Variants in CAST observed in about 807,000 individuals in gnomAD.
The protein encoded by CAST is calpastatin.
Under a neutral mutation model 119.6 loss-of-function variants are expected in CAST, and 76 were observed. That is an observed-to-expected ratio of 0.64 (90% CI 0.53 to 0.77). The LOEUF (loss-of-function observed/expected upper bound fraction) is 0.77. CAST is among the 30% of genes least tolerant of loss of function. The pLI, the probability that CAST is intolerant of heterozygous loss-of-function variation, is 0.00. For synonymous variants in CAST, 319 were observed against 331.6 expected (o/e 0.96, Z 0.41); for missense variants, 953 against 946.5 (o/e 1.01, Z -0.09).
intron 1 of CAST, among the ~76,000 whole-genome samples, chr5:96,652,110 C>T (rs1171833522): frequency 6.6e-5 from 10 of 152,270 alleles, no homozygotes; most frequent in Non-Finnish European, 5.9e-5. Flanking sequence ...AATCCAAAAC[C>T]CCTGCTTTTC....
the CAST span, among the ~76,000 whole-genome samples, chr5:96,140,806 C>T: frequency 6.6e-6 from 1 of 152,160 alleles, no homozygotes; most frequent in African/African-American, 2.4e-5. Context: ...CCTGGTCTTT[C>T]CAACTTCATC....
chr5:96,507,948 G>T, the CAST span, among the ~76,000 whole-genome samples: 2 of 151,406 alleles, frequency 1.3e-5, no homozygotes, highest in Non-Finnish European at 2.9e-5. Flanking sequence ...AGTTCTCTTT[G>T]AATAACATTG....
chr5:96,705,011 T>A (rs959315746), intron 3 of CAST, among the ~76,000 whole-genome samples: 2 of 152,160 alleles, frequency 1.3e-5, no homozygotes. Context: ...TCCAATTTTT[T>A]AAAATTGAAT....
chr5:96,761,513 T>C (rs1180129501), intron 24 of CAST: 1 of 152,262 alleles, frequency 6.6e-6, no homozygotes, highest in African/African-American at 2.4e-5. Context: ...TGTGCTTTTC[T>C]CCATCTTTTG....
At chr5:96,073,478 C>A in the CAST span, among the ~76,000 whole-genome samples, 8 of 152,172 alleles carry the variant, frequency 5.3e-5, no homozygotes, top group Non-Finnish European at 1.0e-4. Flanking sequence ...GGCATTGAAA[C>A]CCAGGTAGAT....
At chr5:96,355,397 T>C in the CAST span, among the ~76,000 whole-genome samples, 2 of 152,252 alleles carry the variant, frequency 1.3e-5, no homozygotes, top group Non-Finnish European at 1.5e-5. Flanking sequence ...CTGTGGTATA[T>C]ATTTGCCACA....
chr5:96,068,593 A>ATGTGTGTG, the CAST span, among the ~76,000 whole-genome samples: 315 of 142,264 alleles, frequency 2.2e-3, 2 homozygotes, highest in African/African-American at 4.9e-3. Flanking sequence ...CAATAGGATT[A>ATGTGTGTG]TGTGTGTGTG....
At chr5:96,672,573 G>C (rs1483645012) in intron 1 of CAST, among the ~76,000 whole-genome samples, 1 of 151,926 alleles carries the variant, frequency 6.6e-6, no homozygotes, top group Non-Finnish European at 1.5e-5. Flanking sequence ...CGGATGTGGT[G>C]GTGCACACCT....
chr5:96,735,797 G>T (rs1007086063), intron 9 of CAST, among the ~76,000 whole-genome samples: 1 of 152,228 alleles, frequency 6.6e-6, no homozygotes, highest in Admixed American at 6.5e-5. Context: ...TGGGGGCAAA[G>T]AGCCAGAGAG....
chr5:96,127,505 T>A, the CAST span, among the ~76,000 whole-genome samples: 1 of 152,096 alleles, frequency 6.6e-6, no homozygotes, highest in Admixed American at 6.6e-5. Flanking sequence ...TACTGATGAA[T>A]TGTGAAGGAG....
At chr5:96,050,960 G>A in the CAST span, among the ~76,000 whole-genome samples, 1 of 151,940 alleles carries the variant, frequency 6.6e-6, no homozygotes, top group African/African-American at 2.4e-5. Flanking sequence ...TTGGACAATG[G>A]GAACACAGAA....
chr5:96,702,743 C>A (rs1004831472), intron 3 of CAST: 6 of 984,370 alleles, frequency 6.1e-6, no homozygotes, highest in African/African-American at 3.5e-5. Context: ...GCGGGGCCGC[C>A]GGGCAGGGGG....
chr5:96,581,783 C>T (rs938671517), intron 1 of CAST, among the ~76,000 whole-genome samples: 5 of 152,054 alleles, frequency 3.3e-5, no homozygotes, highest in Admixed American at 6.6e-5. Context: ...CCCAGCTACT[C>T]AGGAGGCTGA....
the CAST span, among the ~76,000 whole-genome samples, chr5:96,264,534 A>G: frequency 6.6e-6 from 1 of 152,188 alleles, no homozygotes; most frequent in South Asian, 2.1e-4. Context: ...AGCAGCATTA[A>G]GTGTGTCTCC....
At chr5:96,301,162 A>C in the CAST span, among the ~76,000 whole-genome samples, 1 of 152,158 alleles carries the variant, frequency 6.6e-6, no homozygotes, top group East Asian at 1.9e-4. Flanking sequence ...CACATCCTAC[A>C]TGTCTGGAAC....
intron 22 of CAST, among the ~76,000 whole-genome samples, chr5:96,755,806 T>C (rs1263136849): frequency 2.0e-5 from 3 of 152,224 alleles, no homozygotes; most frequent in Admixed American, 6.5e-5. Context: ...GTTGCAGCCA[T>C]AGCGTTTCTA....
the CAST span, among the ~76,000 whole-genome samples, chr5:96,154,109 C>G: frequency 4.6e-5 from 7 of 151,930 alleles, no homozygotes; most frequent in African/African-American, 1.7e-4. Context: ...AACCCCGTCT[C>G]TACTAAAAAA....
chr5:96,536,432 T>C (rs1745816160), intron 1 of CAST, among the ~76,000 whole-genome samples: 1 of 152,176 alleles, frequency 6.6e-6, no homozygotes, highest in Non-Finnish European at 1.5e-5. Context: ...ATAGATGAAG[T>C]TGTAGACATG....
chr5:96,496,157 A>C, the CAST span, among the ~76,000 whole-genome samples: 1 of 152,214 alleles, frequency 6.6e-6, no homozygotes, highest in Admixed American at 6.5e-5. Flanking sequence ...AAAATCCATA[A>C]TAAATGTCAT....
Sources: allele counts gnomAD v4.1 joint callset (sites outside exome capture counted in the v4.1 genomes callset), GRCh38; gene constraint gnomAD v4.1.1; transcripts MANE v1.5; gene names NCBI Gene and HGNC (gene_info 2026-07-23, HGNC 2026-07-21).